Variants in PRKG1 observed in about 807,000 individuals in gnomAD.
PRKG1 encodes the protein cGMP-dependent protein kinase 1.
PRKG1 carries 35 observed loss-of-function variants against 88.1 expected under a neutral mutation model. The observed-to-expected ratio is 0.40, with a 90% CI of 0.30 to 0.53. The LOEUF (loss-of-function observed/expected upper bound fraction) is 0.53, where lower values mean the gene tolerates loss of function less well. PRKG1 is among the 20% of genes least tolerant of loss of function. The probability of loss-of-function intolerance (pLI) is 0.59; values close to 1 mark genes in which losing one functional copy is unlikely to be tolerated. For synonymous variants in PRKG1, 303 were observed against 292.5 expected, an observed-to-expected ratio of 1.04 and a Z score of -0.37; for missense variants, 540 against 839.8, an observed-to-expected ratio of 0.64 and a Z score of 4.41.
At chr10:51,291,675 A>C (rs1372151251) in intron 2 of PRKG1, among the ~76,000 whole-genome samples, 1 of 152,120 alleles carries the variant, frequency 6.6e-6, no homozygotes, top group Admixed American at 6.6e-5. Flanking sequence ...TAAAAGAAAG[A>C]GTGTTCTGTA....
intron 2 of PRKG1, among the ~76,000 whole-genome samples, chr10:51,208,914 C>T (rs1838137663): frequency 1.3e-5 from 2 of 152,130 alleles, no homozygotes; most frequent in South Asian, 4.1e-4. Context: ...GATGGACTTT[C>T]CCTTTTGTGT....
At chr10:51,296,254 GTTC>G (rs2132230624) in intron 2 of PRKG1, among the ~76,000 whole-genome samples, 1 of 152,144 alleles carries the variant, frequency 6.6e-6, no homozygotes, top group African/African-American at 2.4e-5. Context: ...ATTGTTATCA[GTTC>G]TTCTTTGATT....
At chr10:51,773,704 G>T (rs1430185965) in intron 3 of PRKG1, among the ~76,000 whole-genome samples, 1 of 152,034 alleles carries the variant, frequency 6.6e-6, no homozygotes, top group Non-Finnish European at 1.5e-5. Context: ...ATATGCATAT[G>T]TAAATCACAT....
At chr10:51,837,991 CTT>C (rs1489776534) in intron 4 of PRKG1, among the ~76,000 whole-genome samples, 28 of 152,072 alleles carry the variant, frequency 1.8e-4, no homozygotes, top group Admixed American at 1.8e-3. Flanking sequence ...ATCAGTGAGA[CTT>C]TTGACACTTT....
intron 9 of PRKG1, among the ~76,000 whole-genome samples, chr10:52,194,403 C>A (rs1839452144): frequency 1.3e-5 from 2 of 152,010 alleles, no homozygotes; most frequent in East Asian, 1.9e-4. Context: ...TATGACAATG[C>A]AGGAAGGGAG....
intron 3 of PRKG1, among the ~76,000 whole-genome samples, chr10:51,601,988 C>T (rs1349399789): frequency 5.3e-5 from 8 of 151,784 alleles, no homozygotes; most frequent in East Asian, 1.9e-4. Flanking sequence ...TTTTTTTAAC[C>T]TCTCTTCAGT....
intron 3 of PRKG1, among the ~76,000 whole-genome samples, chr10:51,603,298 A>G (rs1353689922): frequency 6.6e-6 from 1 of 152,130 alleles, no homozygotes; most frequent in Non-Finnish European, 1.5e-5. Flanking sequence ...CACTAGAAAC[A>G]TGAAATTTTG....
At chr10:52,152,645 T>C (rs536195539) in intron 8 of PRKG1, among the ~76,000 whole-genome samples, 3 of 152,182 alleles carry the variant, frequency 2.0e-5, no homozygotes, top group Non-Finnish European at 4.4e-5. Context: ...TCAGAGAAGT[T>C]GTAGAGGTCA....
intron 5 of PRKG1, among the ~76,000 whole-genome samples, chr10:51,995,235 G>A (rs1018309237): frequency 6.6e-6 from 1 of 151,998 alleles, no homozygotes; most frequent in African/African-American, 2.4e-5. Flanking sequence ...AAAAAGCTAT[G>A]GTTAATAAAT....
At chr10:51,202,035 T>C (rs1837925464) in intron 2 of PRKG1, among the ~76,000 whole-genome samples, 1 of 152,060 alleles carries the variant, frequency 6.6e-6, no homozygotes, top group African/African-American at 2.4e-5. Flanking sequence ...CTATTAGAGG[T>C]GTTATGAGGG....
At chr10:52,187,469 G>A (rs1052727143) in intron 9 of PRKG1, among the ~76,000 whole-genome samples, 1 of 152,070 alleles carries the variant, frequency 6.6e-6, no homozygotes, top group Admixed American at 6.6e-5. Context: ...AGTGTATATT[G>A]TGAAACTGAA....
chr10:51,670,916 T>A (rs1210070258), intron 3 of PRKG1, among the ~76,000 whole-genome samples: 2 of 152,052 alleles, frequency 1.3e-5, no homozygotes. Flanking sequence ...TGTTGTAGAC[T>A]AATATTTTGC....
At chr10:51,611,580 G>C (rs1838910487) in intron 3 of PRKG1, among the ~76,000 whole-genome samples, 1 of 150,840 alleles carries the variant, frequency 6.6e-6, no homozygotes, top group Admixed American at 6.6e-5. Flanking sequence ...TCAAGAGGTT[G>C]CCCCTTTACT....
intron 5 of PRKG1, among the ~76,000 whole-genome samples, chr10:51,928,446 A>G (rs144147026): frequency 8.4e-4 from 128 of 152,300 alleles, no homozygotes; most frequent in African/African-American, 3.0e-3. Context: ...TGGCTGTACC[A>G]AACTATGAAA....
At chr10:51,148,257 G>A (rs1014506627) in intron 1 of PRKG1, 1 of 985,166 alleles carries the variant, frequency 1.0e-6, no homozygotes, top group Non-Finnish European at 1.2e-6. Flanking sequence ...CAATACTGTA[G>A]GCCAAGGTGA....
intron 7 of PRKG1, among the ~76,000 whole-genome samples, chr10:52,104,898 A>C (rs1847378447): frequency 6.6e-6 from 1 of 152,210 alleles, no homozygotes; most frequent in Non-Finnish European, 1.5e-5. Context: ...ACAAATGTGT[A>C]ATATTTTCCT....
intron 2 of PRKG1, among the ~76,000 whole-genome samples, chr10:51,308,585 G>A (rs775861656): frequency 1.3e-5 from 2 of 152,056 alleles, no homozygotes; most frequent in Non-Finnish European, 2.9e-5. Context: ...TATTACATTA[G>A]CCTTCTCACT....
intron 2 of PRKG1, among the ~76,000 whole-genome samples, chr10:51,409,578 C>T (rs1007777141): frequency 5.9e-5 from 9 of 151,882 alleles, no homozygotes; most frequent in African/African-American, 2.2e-4. Flanking sequence ...AAGTAGTGGC[C>T]GGGCACGGTG....
intron 1 of PRKG1, among the ~76,000 whole-genome samples, chr10:51,018,826 G>A (rs1446506349): frequency 6.6e-6 from 1 of 152,160 alleles, no homozygotes; most frequent in African/African-American, 2.4e-5. Flanking sequence ...GGCTACAGAA[G>A]TATTTGACTC....
Sources: allele counts gnomAD v4.1 joint callset (sites outside exome capture counted in the v4.1 genomes callset), GRCh38; gene constraint gnomAD v4.1.1; transcripts MANE v1.5; gene names NCBI Gene and HGNC (gene_info 2026-07-23, HGNC 2026-07-21).